The following DMD variants were observed in gnomAD, a reference collection of about 807,000 sequenced individuals.
DMD encodes the protein dystrophin.
In DMD, 63 loss-of-function variants were observed where a neutral mutation model predicts 330.1. The observed-to-expected ratio is 0.19, with a 90% CI of 0.16 to 0.24. The LOEUF is 0.24. Among genes scored for constraint, DMD ranks in the 10% least tolerant of loss-of-function variants. The pLI, the probability that DMD is intolerant of heterozygous loss-of-function variation, is 1.00. For missense variants in DMD, 3,344 were observed against 2,684.1 expected, an observed-to-expected ratio of 1.25 and a Z score of -5.43; for synonymous variants, 1,223 against 959.8, an observed-to-expected ratio of 1.27 and a Z score of -5.07.
At chrX:31,498,990 C>A (rs748928243) in intron 56 of DMD, among the ~76,000 whole-genome samples, 1 of 111,711 alleles carries the variant, frequency 9.0e-6, no homozygotes, top group African/African-American at 3.3e-5. Flanking sequence ...TGTTTAATAG[C>A]ATGTAATGTG....
At chrX:33,174,897 G>C (rs1347261301) in intron 1 of DMD, among the ~76,000 whole-genome samples, 2 of 111,977 alleles carry the variant, frequency 1.8e-5, no homozygotes, top group Non-Finnish European at 3.8e-5. Flanking sequence ...GACCCCAAGA[G>C]TAATCATATC....
At chrX:32,319,388 G>A (rs1156825638) in intron 41 of DMD, among the ~76,000 whole-genome samples, 1 of 111,376 alleles carries the variant, frequency 9.0e-6, no homozygotes, top group East Asian at 2.8e-4. Flanking sequence ...CTAGTACCTA[G>A]CATACAGTAT....
intron 1 of DMD, among the ~76,000 whole-genome samples, chrX:33,292,052 C>T (rs2053520302): frequency 9.0e-6 from 1 of 111,403 alleles, no homozygotes; most frequent in African/African-American, 3.3e-5. Flanking sequence ...TTTCATCAAT[C>T]TTAGGAGTAA....
At position 32,760,459 on chromosome X, in the gene DMD, G is replaced by A. The variant is rs183049103; in HGVS notation, c.649+49034C>T. On this transcript the variant is annotated intron_variant, in intron 7 of 78. Coordinates refer to ENST00000357033, the MANE Select transcript of DMD (RefSeq NM_004006.3). ...ATTTTCCATGACTGCAAGCTCTATT[G>A]AAAATAGAAGAGAAATGGAAAGGTC... 3.5e-3 allele frequency among the ~76,000 whole-genome samples: 389 copies of A among 111,504 alleles called. 2 individuals are homozygous for A. The highest frequency in any genetic ancestry group is 0.012 in the African/African-American group (373 of 30,702).
chrX:32,460,815 T>G lies in DMD; in HGVS notation c.3432+2624A>C, dbSNP rs754859565. 3.6e-5 allele frequency among the ~76,000 whole-genome samples: 4 copies of G among 111,901 alleles called. No individual in the cohort carries two copies. The East Asian group carries it at 8.5e-4, about 24-fold the overall frequency. On this transcript the variant is annotated intron_variant, in intron 25 of 78. Coordinates refer to ENST00000357033, the MANE Select transcript of DMD (RefSeq NM_004006.3). ...CTGTCACTCTCATTTAAAGGGTTCT[T>G]ATTGCTACATTCAGAGTGTAAGCAA...
At chrX:33,025,805 T>G (rs1208264516) in intron 1 of DMD, among the ~76,000 whole-genome samples, 1 of 111,725 alleles carries the variant, frequency 9.0e-6, no homozygotes, top group Non-Finnish European at 1.9e-5. Flanking sequence ...TCAATCCTTC[T>G]GTCTCAGCCT....
chrX:32,107,552 G>T, intron 44 of DMD, among the ~76,000 whole-genome samples: 1 of 110,102 alleles, frequency 9.1e-6, no homozygotes. Context: ...CTAATATTGT[G>T]GTTAAAGTCT....
intron 48 of DMD, among the ~76,000 whole-genome samples, chrX:31,852,574 A>C (rs1031765845): frequency 1.5e-4 from 17 of 111,085 alleles, no homozygotes; most frequent in Non-Finnish European, 3.2e-4. Context: ...AGCCTCAAAA[A>C]CTGACTGAAA....
rs1405047659 is a variant in DMD at position 32,399,161 on chromosome X, G to A, written c.4234-8980C>T. On this transcript the variant is annotated intron_variant, in intron 30 of 78. Coordinates refer to ENST00000357033, the MANE Select transcript of DMD (RefSeq NM_004006.3). Reference sequence around the variant, plus strand: ...AAGAAAACTTTGGGAGAAACCTCCAGAACATTGGTCTAGGCAAGAAATTCT... The same window carrying A: ...AAGAAAACTTTGGGAGAAACCTCCAAAACATTGGTCTAGGCAAGAAATTCT... Among the ~76,000 whole-genome samples the A allele has an allele frequency of 3.6e-5, 4 of 111,874 alleles. No homozygotes were observed. In the Admixed American group the frequency reaches 3.8e-4, roughly 11 times the overall value.
At chrX:33,217,929 T>C (rs1383516494) in intron 1 of DMD, among the ~76,000 whole-genome samples, 1 of 111,331 alleles carries the variant, frequency 9.0e-6, no homozygotes, top group Non-Finnish European at 1.9e-5. Context: ...TTTATCCACT[T>C]TTCTTGCATT....
intron 1 of DMD, among the ~76,000 whole-genome samples, chrX:33,047,715 T>A (rs2094402321): frequency 8.9e-6 from 1 of 112,162 alleles, no homozygotes; most frequent in Non-Finnish European, 1.9e-5. Flanking sequence ...ACAAGGCACT[T>A]AAATGTTTAA....
At chrX:33,109,792 T>C (rs1255669248) in intron 1 of DMD, among the ~76,000 whole-genome samples, 1 of 111,129 alleles carries the variant, frequency 9.0e-6, no homozygotes, top group Non-Finnish European at 1.9e-5. Context: ...CTTTGATCTC[T>C]TCTTTGATGT....
intron 52 of DMD, among the ~76,000 whole-genome samples, chrX:31,703,412 TCTGCCTAC>T (rs2083955776): frequency 8.9e-6 from 1 of 112,183 alleles, no homozygotes; most frequent in South Asian, 3.7e-4. Flanking sequence ...ATGCTTTCTC[TCTGCCTAC>T]AATGCTCTCT....
intron 7 of DMD, among the ~76,000 whole-genome samples, chrX:32,714,830 T>C (rs1391470228): frequency 8.9e-6 from 1 of 112,045 alleles, no homozygotes; most frequent in Non-Finnish European, 1.9e-5. Flanking sequence ...AATAATTTTA[T>C]TGTGTGTTTT....
At chrX:31,801,397 C>A (rs759421469) in intron 50 of DMD, among the ~76,000 whole-genome samples, 3 of 111,658 alleles carry the variant, frequency 2.7e-5, no homozygotes, top group Non-Finnish European at 5.6e-5. Context: ...ATGGGAATTA[C>A]AGGGATTACA....
chrX:31,508,391 T>C (rs965398388), intron 55 of DMD: 18 of 549,352 alleles, frequency 3.3e-5, no homozygotes, highest in Non-Finnish European at 4.5e-5. Flanking sequence ...CAGTCAATAA[T>C]AATAAACGGC....
intron 44 of DMD, among the ~76,000 whole-genome samples, chrX:31,992,718 T>C (rs1603619449): frequency 3.6e-5 from 4 of 111,100 alleles, no homozygotes. Flanking sequence ...TATACTTTTG[T>C]AGAGCAGAGG....
intron 27 of DMD, among the ~76,000 whole-genome samples, chrX:32,445,808 T>C (rs1455788869): frequency 9.0e-6 from 1 of 110,977 alleles, no homozygotes; most frequent in African/African-American, 3.3e-5. Flanking sequence ...AACAGATTTG[T>C]GAAACAACTC....
chrX:33,253,266 A>T (rs2052801465), intron 1 of DMD, among the ~76,000 whole-genome samples: 1 of 109,877 alleles, frequency 9.1e-6, no homozygotes, highest in Non-Finnish European at 1.9e-5. Flanking sequence ...ACATACTGCA[A>T]ATAATAATTG....
Sources: allele counts gnomAD v4.1 joint callset (sites outside exome capture counted in the v4.1 genomes callset), GRCh38; gene constraint gnomAD v4.1.1; transcripts MANE v1.5; gene names NCBI Gene and HGNC (gene_info 2026-07-23, HGNC 2026-07-21).